The following ASXL3 variants were observed in gnomAD, a reference collection of about 807,000 sequenced individuals.
ASXL3 encodes ASXL transcriptional regulator 3.
ASXL3 carries 34 observed loss-of-function variants against 170.6 expected under a neutral mutation model. That is an observed-to-expected ratio of 0.20 (90% CI 0.15 to 0.27). The LOEUF is 0.27. ASXL3 is among the 10% of genes least tolerant of loss of function. The pLI, the probability that ASXL3 is intolerant of heterozygous loss-of-function variation, is 1.00. For missense variants in ASXL3, 2,592 were observed against 2,695.3 expected (o/e 0.96, Z 0.85); for synonymous variants, 1,002 against 989.1 (o/e 1.01, Z -0.24).
chr18:33,706,592 A>G (rs28503801), intron 8 of ASXL3, among the ~76,000 whole-genome samples: 24,462 of 151,796 alleles, frequency 0.16, 2,799 homozygotes, highest in African/African-American at 0.32. Flanking sequence ...TAATGAGGTT[A>G]AGCAACACTT....
At chr18:33,582,706 C>CTGTGTGTG (rs34434614) in intron 1 of ASXL3, among the ~76,000 whole-genome samples, 25 of 136,026 alleles carry the variant, frequency 1.8e-4, no homozygotes, top group South Asian at 9.3e-4. Context: ...TGGTTTTTTT[C>CTGTGTGTG]TGTGTGTGTG....
intron 8 of ASXL3, among the ~76,000 whole-genome samples, chr18:33,696,687 AT>A (rs2066778459): frequency 6.6e-6 from 1 of 151,916 alleles, no homozygotes; most frequent in Non-Finnish European, 1.5e-5. Flanking sequence ...TCTCAATATC[AT>A]TCTTGCTTTC....
intron 8 of ASXL3, among the ~76,000 whole-genome samples, chr18:33,700,973 G>A (rs1346312330): frequency 6.6e-6 from 1 of 151,988 alleles, no homozygotes; most frequent in Non-Finnish European, 1.5e-5. Context: ...GAGCACGATA[G>A]GGGTTAAAAC....
Position 33,744,737 on chromosome 18 carries a change from A to G in ASXL3, c.4889A>G (p.Gln1630Arg), listed in dbSNP as rs1435018015. Residue 1630 changes from glutamine (Q) to arginine (R), a missense_variant, in exon 12 of 12, where the codon CAA becomes CGA. Gln to Arg is a conservative substitution (Grantham distance 43). Coordinates refer to ENST00000269197, the MANE Select transcript of ASXL3 (RefSeq NM_030632.3). ...GTTACTCACTCGGGTTCAAGTAAAC[A>G]AAAAGAATATCTAGAGCAAAGCTGT... ...PLVTHSGSSK[Q>R]KEYLEQSCPK... The G allele has an allele frequency of 1.9e-6, 3 of 1,613,922 alleles. No individual in the cohort carries two copies. The highest frequency in any genetic ancestry group is 1.1e-5 in the South Asian group (1 of 91,060).
chr18:33,635,817 G>T (rs2065754449), intron 2 of ASXL3, among the ~76,000 whole-genome samples: 1 of 152,114 alleles, frequency 6.6e-6, no homozygotes, highest in African/African-American at 2.4e-5. Context: ...AAGAATTTTG[G>T]TGATGTTCAT....
chr18:33,697,766 G>A (rs879784183), intron 8 of ASXL3, among the ~76,000 whole-genome samples: 17 of 151,960 alleles, frequency 1.1e-4, no homozygotes, highest in Non-Finnish European at 1.6e-4. Context: ...CACTTTGAGA[G>A]GCCAAGGGGA....
At chr18:33,711,629 C>T (rs1453397290) in intron 8 of ASXL3, among the ~76,000 whole-genome samples, 4 of 152,134 alleles carry the variant, frequency 2.6e-5, no homozygotes, top group Non-Finnish European at 5.9e-5. Flanking sequence ...AGCCATTCCT[C>T]CCCTTTATCA....
At chr18:33,606,343 T>C (rs1243093942) in intron 1 of ASXL3, among the ~76,000 whole-genome samples, 1 of 151,662 alleles carries the variant, frequency 6.6e-6, no homozygotes, top group Non-Finnish European at 1.5e-5. Flanking sequence ...ATAACATGAG[T>C]AAGGAAGGGG....
At chr18:33,603,375 T>C (rs2065205202) in intron 1 of ASXL3, among the ~76,000 whole-genome samples, 1 of 152,038 alleles carries the variant, frequency 6.6e-6, no homozygotes, top group South Asian at 2.1e-4. Context: ...GCAAATCATC[T>C]CTCTTTCCTT....
intron 1 of ASXL3, among the ~76,000 whole-genome samples, chr18:33,584,890 G>C (rs533554423): frequency 8.0e-5 from 12 of 150,630 alleles, no homozygotes; most frequent in African/African-American, 2.9e-4. Context: ...ATGTGTGTGT[G>C]TGTATGTGTG....
At chr18:33,592,542 G>C (rs1194336443) in intron 1 of ASXL3, among the ~76,000 whole-genome samples, 1 of 152,090 alleles carries the variant, frequency 6.6e-6, no homozygotes, top group African/African-American at 2.4e-5. Flanking sequence ...CGCAGAAGCC[G>C]GTGACAAGAT....
At position 33,744,139 on chromosome 18, in the gene ASXL3, A is replaced by C; in HGVS notation, c.4291A>C (p.Lys1431Gln). ...LTINSYDSPP[K>Q]LSAESLDKNS... is the part of the protein sequence containing the mutation. ...AATAAACTCTTATGATAGTCCTCCC[A>C]AGTTAAGTGCTGAAAGCTTGGACAA... The change falls in exon 12 of 12, where the codon AAG (lysine) becomes CAG (glutamine). Residue 1431 changes from lysine (K) to glutamine (Q), a missense_variant. By Grantham distance (53) the Lys-to-Gln change is moderately conservative. Around this residue, in one of 4 missense-constraint regions of ASXL3, gnomAD observed 2,246 missense variants for 2,219.6 expected, o/e 1.01. Coordinates refer to ENST00000269197, the MANE Select transcript of ASXL3 (RefSeq NM_030632.3). 2 of 1,614,012 alleles carry C rather than the reference A, an allele frequency of 1.2e-6. No homozygotes were observed. The highest frequency in any genetic ancestry group is 1.7e-6 in the Non-Finnish European group (2 of 1,179,890).
At chr18:33,733,897 T>TA (rs1228698479) in intron 9 of ASXL3, among the ~76,000 whole-genome samples, 1 of 152,126 alleles carries the variant, frequency 6.6e-6, no homozygotes, top group Non-Finnish European at 1.5e-5. Flanking sequence ...GCGCTTTACT[T>TA]TCTATATTTC....
intron 4 of ASXL3, among the ~76,000 whole-genome samples, chr18:33,647,947 G>A (rs898088562): frequency 1.3e-5 from 2 of 152,050 alleles, no homozygotes; most frequent in African/African-American, 4.8e-5. Flanking sequence ...ACTCCAGGTA[G>A]AGGGAACAGC....
rs545379358 is a variant in ASXL3, at chr18:33,654,194, T to A, written c.356-7422T>A. ...CATAATATACAGATCAAGAACAGAA[T>A]ATGATCTCATAAAACTAAAGATTGA... On this transcript the variant is annotated intron_variant, in intron 4 of 11. Coordinates refer to ENST00000269197, the MANE Select transcript of ASXL3 (RefSeq NM_030632.3). Among the ~76,000 whole-genome samples, 4 of 152,188 alleles carry A rather than the reference T, an allele frequency of 2.6e-5. No homozygotes were observed. In the South Asian group the frequency reaches 8.3e-4, roughly 31 times the overall value.
intron 8 of ASXL3, among the ~76,000 whole-genome samples, chr18:33,720,956 A>G (rs1027576159): frequency 2.6e-5 from 4 of 152,072 alleles, no homozygotes; most frequent in African/African-American, 7.2e-5. Context: ...TGTAAGCACA[A>G]TAGTTGAAAC....
At chr18:33,709,262 C>T (rs2067014944) in intron 8 of ASXL3, among the ~76,000 whole-genome samples, 2 of 151,500 alleles carry the variant, frequency 1.3e-5, no homozygotes, top group South Asian at 4.2e-4. Flanking sequence ...TAAACTCTTC[C>T]CTAGGTTTAT....
chr18:33,633,843 C>CAAA (rs59859337), intron 2 of ASXL3, among the ~76,000 whole-genome samples: 4 of 86,932 alleles, frequency 4.6e-5, no homozygotes, highest in Non-Finnish European at 9.4e-5. Flanking sequence ...GACTCCATCT[C>CAAA]AAAAAAAAAA....
intron 4 of ASXL3, among the ~76,000 whole-genome samples, chr18:33,652,324 G>T (rs1358236143): frequency 6.6e-6 from 1 of 151,966 alleles, no homozygotes; most frequent in South Asian, 2.1e-4. Flanking sequence ...TATATGAGAT[G>T]ATACCATCAG....
Sources: gnomAD v4.1 joint callset for allele counts (sites outside exome capture counted in the v4.1 genomes callset) on GRCh38, gnomAD v4.1.1 for gene constraint, gnomAD v4.1.1 regional missense constraint, MANE v1.5 for transcripts, NCBI Gene and HGNC (gene_info 2026-07-23, HGNC 2026-07-21) for gene names.